Variants in ERGIC1 observed in about 807,000 individuals in gnomAD.
ERGIC1 encodes the protein endoplasmic reticulum-Golgi intermediate compartment protein 1.
Under a neutral mutation model 38.3 loss-of-function variants are expected in ERGIC1, and 19 were observed. The ratio of observed to expected loss-of-function variants is 0.50; its 90% CI spans 0.35 to 0.73. The LOEUF (loss-of-function observed/expected upper bound fraction) is 0.73, where lower values mean the gene tolerates loss of function less well. ERGIC1 is among the 30% of genes least tolerant of loss of function. The probability of loss-of-function intolerance (pLI) is 0.01; values close to 1 mark genes in which losing one functional copy is unlikely to be tolerated. For missense variants in ERGIC1, 294 were observed against 389.2 expected (o/e 0.76, Z 2.06); for synonymous variants, 124 against 157.6 (o/e 0.79, Z 1.60).
chr5:172,900,222 AG>A (rs1762834609), intron 3 of ERGIC1, among the ~76,000 whole-genome samples: 1 of 152,136 alleles, frequency 6.6e-6, no homozygotes, highest in South Asian at 2.1e-4. Context: ...GCATTGGGGA[AG>A]GGCCCTTCCA....
At position 172,935,313 on chromosome 5, in the gene ERGIC1, G is replaced by A; in HGVS notation, c.765+3G>A. ...CGCTGTACAGATTCATCACCACGGT[G>A]AGTGGCCTGGGGCAGTGGGTGGGGC... On this transcript the variant is annotated splice_donor_region_variant and intron_variant, in intron 9 of 9. Coordinates refer to ENST00000393784, the MANE Select transcript of ERGIC1 (RefSeq NM_001031711.3). The A allele has an allele frequency of 6.2e-7, 1 of 1,614,024 alleles. No individual in the cohort carries two copies. The highest frequency in any genetic ancestry group is 8.5e-7 in the Non-Finnish European group (1 of 1,180,010).
chr5:172,952,589 G>A lies in ERGIC1; in HGVS notation c.*1773G>A, dbSNP rs945423465. On this transcript the variant is annotated 3_prime_UTR_variant, in exon 10 of 10. Coordinates refer to ENST00000393784, the MANE Select transcript of ERGIC1 (RefSeq NM_001031711.3). ...CCTATGGAAGAGACACCTCTGACCCGTTATTCTTATAATCAAAATCTGAAG... is the reference window on the plus strand; with the variant it reads ...CCTATGGAAGAGACACCTCTGACCCATTATTCTTATAATCAAAATCTGAAG... 6.6e-5 allele frequency: 10 copies of A among 150,876 alleles called. No homozygotes were observed. The highest frequency in any genetic ancestry group is 2.2e-4 in the African/African-American group (9 of 41,070). The allele number at this position is 150,876 out of a possible 1,614,324, so 9.3% of individuals were successfully genotyped here.
At chr5:172,859,508 G>C (rs1323572361) in intron 1 of ERGIC1, among the ~76,000 whole-genome samples, 1 of 152,024 alleles carries the variant, frequency 6.6e-6, no homozygotes, top group African/African-American at 2.4e-5. Context: ...ATGTCCTGAA[G>C]GTCACAGTGC....
chr5:172,925,251 T>G lies in ERGIC1; in HGVS notation c.480+1142T>G, dbSNP rs188284706. On this transcript the variant is annotated intron_variant, in intron 6 of 9. Transcript: ENST00000393784. Reference sequence around the variant, plus strand: ...AGACTCCTCCCAAAAAAAGAAAAAATAAAAATAAAAATAAATGGTACAAAT... The same window carrying G: ...AGACTCCTCCCAAAAAAAGAAAAAAGAAAAATAAAAATAAATGGTACAAAT... 2.6e-5 allele frequency among the ~76,000 whole-genome samples: 4 copies of G among 151,184 alleles called. No homozygotes were observed. The East Asian group carries it at 7.8e-4, about 29-fold the overall frequency.
chr5:172,871,841 T>C (rs958985761), intron 1 of ERGIC1, among the ~76,000 whole-genome samples: 1 of 152,218 alleles, frequency 6.6e-6, no homozygotes, highest in Non-Finnish European at 1.5e-5. Context: ...GTCTTTCTTT[T>C]CATTTATAAC....
intron 1 of ERGIC1, among the ~76,000 whole-genome samples, chr5:172,871,247 G>A (rs951885460): frequency 3.5e-4 from 53 of 152,178 alleles, no homozygotes; most frequent in African/African-American, 1.3e-3. Flanking sequence ...AATTGCCCGA[G>A]ACCTCTGACC....
chr5:172,886,161 C>T (rs183803472), intron 1 of ERGIC1, among the ~76,000 whole-genome samples: 23 of 152,230 alleles, frequency 1.5e-4, no homozygotes, highest in African/African-American at 5.5e-4. Context: ...TCCCTAGCCA[C>T]AGCCTGGCCC....
At chr5:172,950,670 G>A in intron 9 of ERGIC1, 39 bp from the exon 10 acceptor site, 1 of 1,583,626 alleles carries the variant, frequency 6.3e-7, no homozygotes, top group Non-Finnish European at 8.6e-7. Flanking sequence ...CTCCAGCACT[G>A]ACTTCTGACA....
At chr5:172,863,689 AC>A (rs1364622186) in intron 1 of ERGIC1, among the ~76,000 whole-genome samples, 1 of 151,906 alleles carries the variant, frequency 6.6e-6, no homozygotes, top group Admixed American at 6.6e-5. Flanking sequence ...AAAGAAAAAA[AC>A]CAAACGTGTG....
chr5:172,865,627 C>A (rs1344598994), intron 1 of ERGIC1, among the ~76,000 whole-genome samples: 2 of 152,160 alleles, frequency 1.3e-5, no homozygotes, highest in African/African-American at 4.8e-5. Context: ...CCAGCCAGCA[C>A]CCCCACCACG....
chr5:172,950,875 C>G lies in ERGIC1; in HGVS notation c.*59C>G. 6.7e-7 allele frequency: 1 copy of G among 1,481,644 alleles called. No homozygotes were observed. The highest frequency in any genetic ancestry group is 9.2e-7 in the Non-Finnish European group (1 of 1,082,358). 91.8% of individuals were successfully genotyped at this position (1,481,644 alleles called of 1,614,324 possible). On this transcript the variant is annotated 3_prime_UTR_variant, in exon 10 of 10. Transcript: ENST00000393784. The stretch of plus-strand genomic sequence containing the variant: ...GCATCGCCAGCCTTGCCTCCAGTGC[C>G]CTGTCTCCTTTGGCCCTCAATCTGG...
intron 1 of ERGIC1, among the ~76,000 whole-genome samples, chr5:172,850,079 T>A (rs112587023): frequency 2.0e-5 from 3 of 152,148 alleles, no homozygotes; most frequent in African/African-American, 7.2e-5. Flanking sequence ...ACACGGAAGC[T>A]GGAAGGGTCC....
At chr5:172,890,591 A>T (rs972044836) in intron 2 of ERGIC1, among the ~76,000 whole-genome samples, 3 of 152,250 alleles carry the variant, frequency 2.0e-5, no homozygotes, top group African/African-American at 7.2e-5. Flanking sequence ...TTTAAAAACA[A>T]ACCAAAGCCA....
chr5:172,926,883 A>C lies in ERGIC1; in HGVS notation c.541+314A>C. ...TCATCCTTAGTTGAACTAATTACCT[A>C]AGATCCCACAGGGAGCTATGGCAGA... On this transcript the variant is annotated intron_variant, in intron 7 of 9. Coordinates refer to ENST00000393784, the MANE Select transcript of ERGIC1 (RefSeq NM_001031711.3). This position sits in a 1 kb window ranked among gnomAD's most constrained non-coding sequence, Gnocchi z 5.2. The C allele has an allele frequency of 3.0e-6, 1 of 336,020 alleles. No individual in the cohort carries two copies. The highest frequency in any genetic ancestry group is 3.4e-5 in the South Asian group (1 of 29,048). The allele number at this position is 336,020 out of a possible 1,614,324, so 20.8% of individuals were successfully genotyped here.
At chr5:172,855,873 G>T (rs1375388752) in intron 1 of ERGIC1, among the ~76,000 whole-genome samples, 1 of 152,238 alleles carries the variant, frequency 6.6e-6, no homozygotes, top group Non-Finnish European at 1.5e-5. Context: ...GCTGGCCTGG[G>T]TGCAGCCCGG....
intron 1 of ERGIC1, among the ~76,000 whole-genome samples, chr5:172,845,077 C>T (rs1407079033): frequency 6.6e-6 from 1 of 152,142 alleles, no homozygotes; most frequent in Non-Finnish European, 1.5e-5. Flanking sequence ...GTCACACAAA[C>T]AGCAGGTGAT....
chr5:172,950,020 C>T (rs1276897185), intron 9 of ERGIC1, among the ~76,000 whole-genome samples: 1 of 152,056 alleles, frequency 6.6e-6, no homozygotes, highest in Non-Finnish European at 1.5e-5. Context: ...TTGCAGTGAG[C>T]TGAGATCACG....
chr5:172,908,317 GGAGAGA>G (rs1561729622), intron 3 of ERGIC1, among the ~76,000 whole-genome samples: 1 of 28,414 alleles, frequency 3.5e-5, no homozygotes, highest in Non-Finnish European at 7.0e-5. Context: ...GGGGGGGGGG[GGAGAGA>G]GGGGAGGGGG....
chr5:172,944,402 A>G (rs1172203477), intron 9 of ERGIC1, among the ~76,000 whole-genome samples: 2 of 150,872 alleles, frequency 1.3e-5, no homozygotes, highest in Non-Finnish European at 2.9e-5. Context: ...CTTGTTGCCC[A>G]GGCTGGTGTG....
Sources: gnomAD v4.1 joint callset for allele counts (sites outside exome capture counted in the v4.1 genomes callset) on GRCh38, gnomAD v4.1.1 for gene constraint, Gnocchi (gnomAD v3.1) non-coding constraint, MANE v1.5 for transcripts, NCBI Gene and HGNC (gene_info 2026-07-23, HGNC 2026-07-21) for gene names.